The following GLIS1 variants were observed in gnomAD, a reference collection of about 807,000 sequenced individuals.
GLIS1 encodes zinc finger protein GLIS1.
Under a neutral mutation model 63.8 loss-of-function variants are expected in GLIS1, and 24 were observed. The observed-to-expected ratio is 0.38, with a 90% CI of 0.27 to 0.53. The LOEUF (loss-of-function observed/expected upper bound fraction) is 0.53. Ranked by LOEUF, GLIS1 falls within the 20% of genes least tolerant of loss-of-function variation. The probability of loss-of-function intolerance (pLI) is 0.85; values close to 1 mark genes in which losing one functional copy is unlikely to be tolerated. For synonymous variants in GLIS1, 450 were observed against 482.5 expected (o/e 0.93, Z 0.88); for missense variants, 1,036 against 1,074.1 (o/e 0.96, Z 0.50).
chr1:53,653,789 T>A (rs557849910), intron 2 of GLIS1, among the ~76,000 whole-genome samples: 1 of 152,120 alleles, frequency 6.6e-6, no homozygotes, highest in African/African-American at 2.4e-5. Context: ...GTGACCCCAG[T>A]CACTGGCCCT....
intron 2 of GLIS1, among the ~76,000 whole-genome samples, chr1:53,732,070 C>G (rs1375653904): frequency 6.6e-6 from 1 of 152,226 alleles, no homozygotes; most frequent in Non-Finnish European, 1.5e-5. Context: ...CAAATAAATT[C>G]AGGCCATCCA....
chr1:53,738,244 CCAAT>C, intron 1 of GLIS1, 138 bp from the exon 2 acceptor site: 4 of 462,610 alleles, frequency 8.6e-6, no homozygotes, highest in Non-Finnish European at 1.4e-5. Context: ...GACACCTAGC[CCAAT>C]CAGAGGTCAA....
chr1:53,644,631 G>C (rs1355888506), intron 2 of GLIS1, among the ~76,000 whole-genome samples: 2 of 152,236 alleles, frequency 1.3e-5, no homozygotes, highest in African/African-American at 4.8e-5. Context: ...GCACCACAGA[G>C]TGGTGAAGGG....
chr1:53,548,900 C>T (rs1037846871), intron 4 of GLIS1, among the ~76,000 whole-genome samples: 34 of 152,182 alleles, frequency 2.2e-4, no homozygotes, highest in Admixed American at 2.2e-3. Context: ...TTATCACTCC[C>T]GAAAGAAACC....
At chr1:53,661,377 T>C (rs529304696) in intron 2 of GLIS1, among the ~76,000 whole-genome samples, 2 of 152,160 alleles carry the variant, frequency 1.3e-5, no homozygotes, top group Admixed American at 6.5e-5. Flanking sequence ...GCTGGGCCCA[T>C]CACACGGCTT....
chr1:53,551,734 G>A (rs1369878872), intron 4 of GLIS1, among the ~76,000 whole-genome samples: 1 of 152,012 alleles, frequency 6.6e-6, no homozygotes, highest in Non-Finnish European at 1.5e-5. Context: ...CCCTCCCTCT[G>A]CCTGCCATTC....
At chr1:53,532,804 T>C (rs1455842589) in intron 4 of GLIS1, among the ~76,000 whole-genome samples, 4 of 152,338 alleles carry the variant, frequency 2.6e-5, no homozygotes, top group African/African-American at 9.6e-5. Flanking sequence ...CATCATCTTC[T>C]CCCCGAGGTC....
chr1:53,591,794 G>A (rs1645195232), intron 4 of GLIS1, among the ~76,000 whole-genome samples: 1 of 152,220 alleles, frequency 6.6e-6, no homozygotes, highest in South Asian at 2.1e-4. Flanking sequence ...GCAAGACCAA[G>A]TGTTCTCATG....
chr1:53,593,894 G>A (rs1275817077), intron 4 of GLIS1, among the ~76,000 whole-genome samples: 1 of 152,230 alleles, frequency 6.6e-6, no homozygotes, highest in Non-Finnish European at 1.5e-5. Flanking sequence ...CACCTAGTGA[G>A]TATGAGGGCC....
intron 2 of GLIS1, among the ~76,000 whole-genome samples, chr1:53,685,726 T>G (rs1182491780): frequency 6.6e-6 from 1 of 152,282 alleles, no homozygotes; most frequent in East Asian, 1.9e-4. Context: ...TCTCAAATAG[T>G]GGGTCCTAAC....
intron 4 of GLIS1, among the ~76,000 whole-genome samples, chr1:53,569,959 GAATT>G (rs1335585571): frequency 6.6e-6 from 1 of 151,856 alleles, no homozygotes; most frequent in Non-Finnish European, 1.5e-5. Context: ...TGAACAATAA[GAATT>G]AATAATCATA....
intron 2 of GLIS1, among the ~76,000 whole-genome samples, chr1:53,692,712 G>A (rs1041071828): frequency 2.6e-5 from 4 of 152,208 alleles, no homozygotes; most frequent in Non-Finnish European, 5.9e-5. Context: ...TTTTTGGAGG[G>A]CTTGGCTAGA....
At chr1:53,716,223 A>G (rs760793955) in intron 2 of GLIS1, among the ~76,000 whole-genome samples, 31 of 152,180 alleles carry the variant, frequency 2.0e-4, no homozygotes, top group Non-Finnish European at 1.0e-4. Context: ...GCACCATTTG[A>G]CAGACAGCTA....
intron 2 of GLIS1, among the ~76,000 whole-genome samples, chr1:53,648,264 A>C (rs1235973138): frequency 6.6e-6 from 1 of 152,244 alleles, no homozygotes; most frequent in East Asian, 1.9e-4. Flanking sequence ...AATGATGCTC[A>C]ACATCATTAA....
chr1:53,668,314 T>C (rs1646116432), intron 2 of GLIS1, among the ~76,000 whole-genome samples: 1 of 152,206 alleles, frequency 6.6e-6, no homozygotes, highest in Non-Finnish European at 1.5e-5. Flanking sequence ...ACATCAGTGG[T>C]CCCATGAGAT....
At position 53,627,195 on chromosome 1, in the gene GLIS1, G is replaced by A. The variant is rs574347645; in HGVS notation, c.260-26917C>T. On this transcript the variant is annotated intron_variant, in intron 2 of 10. Transcript: ENST00000628545. ...ACAAAACCAAAGAGCTGAACGCTAG[G>A]TAGTCCTGGGAGGGGGAGGTGTGGG... is the stretch of plus-strand genomic sequence containing the variant. 9.8e-5 allele frequency among the ~76,000 whole-genome samples: 15 copies of A among 152,312 alleles called. No individual in the cohort carries two copies. In the East Asian group the frequency reaches 1.9e-3, roughly 20 times the overall value.
chr1:53,512,814 C>T (rs1411057310), intron 8 of GLIS1, among the ~76,000 whole-genome samples: 4 of 151,942 alleles, frequency 2.6e-5, no homozygotes, highest in Non-Finnish European at 4.4e-5. Context: ...AAGCAGCGAA[C>T]GGCCTTCGTG....
At chr1:53,542,017 G>C (rs78711197) in intron 4 of GLIS1, among the ~76,000 whole-genome samples, 2 of 152,384 alleles carry the variant, frequency 1.3e-5, no homozygotes, top group East Asian at 3.9e-4. Context: ...CCTTGGCTCA[G>C]AGGCCTCTGT....
chr1:53,714,341 CACT>C (rs1443912009), intron 2 of GLIS1, among the ~76,000 whole-genome samples: 1 of 152,190 alleles, frequency 6.6e-6, no homozygotes, highest in Non-Finnish European at 1.5e-5. Flanking sequence ...CATAAATGGT[CACT>C]ACATTTCAAC....
Sources: gnomAD v4.1 joint callset for allele counts (sites outside exome capture counted in the v4.1 genomes callset) on GRCh38, gnomAD v4.1.1 for gene constraint, MANE v1.5 for transcripts, NCBI Gene and HGNC (gene_info 2026-07-23, HGNC 2026-07-21) for gene names.